The following SACM1L variants were observed in gnomAD, a reference collection of about 807,000 sequenced individuals.
The protein encoded by SACM1L is SAC1 like phosphatidylinositide phosphatase.
SACM1L carries 32 observed loss-of-function variants against 89.5 expected under a neutral mutation model. The observed-to-expected ratio is 0.36, with a 90% CI of 0.27 to 0.48. The LOEUF (loss-of-function observed/expected upper bound fraction) is 0.48, where lower values mean the gene tolerates loss of function less well. Ranked by LOEUF, SACM1L falls within the 20% of genes least tolerant of loss-of-function variation. The pLI is 0.99. For missense variants in SACM1L, 543 were observed against 708.5 expected (o/e 0.77, Z 2.65); for synonymous variants, 213 against 232.8 (o/e 0.92, Z 0.77).
At chr3:45,703,324 T>C in intron 1 of SACM1L, 114 bp from the exon 2 acceptor site, 1 of 679,142 alleles carries the variant, frequency 1.5e-6, no homozygotes, top group Non-Finnish European at 2.6e-6. Flanking sequence ...ATTCATCCTT[T>C]TAGAAGCTGG....
At chr3:45,739,774 T>A (rs1699277116) in intron 19 of SACM1L, 130 bp downstream of exon 19, 1 of 839,530 alleles carries the variant, frequency 1.2e-6, no homozygotes, top group African/African-American at 1.7e-5. Context: ...GGATGTGACA[T>A]TAGATTGTCA....
chr3:45,742,587 G>A (rs1232751523), intron 19 of SACM1L: 2 of 152,224 alleles, frequency 1.3e-5, no homozygotes, highest in East Asian at 1.9e-4. Flanking sequence ...TTTGCCCACC[G>A]GCTTGCTGCT....
intron 4 of SACM1L, among the ~76,000 whole-genome samples, chr3:45,708,052 A>G (rs1698438185): frequency 6.7e-6 from 1 of 149,914 alleles, no homozygotes; most frequent in African/African-American, 2.5e-5. Context: ...GTTAATATCT[A>G]TAACTAATAT....
intron 6 of SACM1L, chr3:45,713,549 C>T (rs1406811569): frequency 1.1e-5 from 2 of 181,022 alleles, no homozygotes; most frequent in Non-Finnish European, 2.3e-5. Flanking sequence ...GATGAGACTC[C>T]CTTCAGTCAC....
intron 14 of SACM1L, among the ~76,000 whole-genome samples, chr3:45,736,694 T>G (rs1218476841): frequency 6.6e-6 from 1 of 152,224 alleles, no homozygotes; most frequent in African/African-American, 2.4e-5. Flanking sequence ...TAACCAAAAC[T>G]TACTTGACTA....
intron 13 of SACM1L, among the ~76,000 whole-genome samples, chr3:45,732,843 C>T (rs546241430): frequency 2.0e-5 from 3 of 152,244 alleles, no homozygotes; most frequent in South Asian, 4.1e-4. Flanking sequence ...TTTCTTCTGC[C>T]TGTGTGTGAT....
chr3:45,710,518 T>A (rs890534965), intron 5 of SACM1L, among the ~76,000 whole-genome samples: 9 of 139,590 alleles, frequency 6.4e-5, no homozygotes, highest in African/African-American at 1.8e-4. Flanking sequence ...TTTTTTTTTT[T>A]AATATACAGT....
chr3:45,725,667 T>G (rs1305176186), intron 11 of SACM1L, among the ~76,000 whole-genome samples: 5 of 152,062 alleles, frequency 3.3e-5, no homozygotes, highest in Non-Finnish European at 5.9e-5. Context: ...TTATGCTTCC[T>G]TTCCAATTTG....
At position 45,703,448 on chromosome 3, in the gene SACM1L, C is replaced by T. The variant is rs764457057; in HGVS notation, c.43C>T (p.Pro15Ser). 2 of 1,611,338 alleles carry T rather than the reference C, an allele frequency of 1.2e-6. No homozygotes were observed. The highest frequency in any genetic ancestry group is 2.2e-5 in the East Asian group (1 of 44,802). The change falls in exon 2 of 20, where the codon CCT (proline) becomes TCT (serine). Residue 15 changes from proline to serine, a missense_variant. Pro to Ser is a moderately conservative substitution (Grantham distance 74). Coordinates refer to ENST00000389061, the MANE Select transcript of SACM1L (RefSeq NM_014016.5). ...AYEQLKLHIT[P>S]EKFYVEACDD... ...TACATTTCTTCTTAGGCATATCACA[C>T]CTGAAAAATTTTATGTGGAAGCTTG...
At chr3:45,693,109 GGCAGTT>G (rs1348634180) in intron 1 of SACM1L, among the ~76,000 whole-genome samples, 1 of 152,148 alleles carries the variant, frequency 6.6e-6, no homozygotes. Flanking sequence ...GAATACTGTA[GGCAGTT>G]GCAACACAAT....
chr3:45,737,841 C>T lies in SACM1L; in HGVS notation c.1379C>T (p.Thr460Ile). The T allele has an allele frequency of 6.2e-7, 1 of 1,613,028 alleles. No individual in the cohort carries two copies. Among genetic ancestry groups the T allele is most frequent in the Non-Finnish European group, 8.5e-7 (1 of 1,179,076 alleles). The change falls in exon 16 of 20, where the codon ACC (threonine) becomes ATC (isoleucine). Residue 460 changes from threonine to isoleucine, a missense_variant. This residue lies in a region of SACM1L where 370 missense variants were observed against 527.6 expected (regional missense o/e 0.70). Transcript: ENST00000389061. ...AGTGALKTDF[T>I]RTGKRTHLGL... ...ACTGGTGCCTTGAAGACTGACTTTA[C>T]CAGGCAAGCCATGCTTTTAAAATAG...
chr3:45,702,140 T>G (rs1412584671), intron 1 of SACM1L, among the ~76,000 whole-genome samples: 2 of 152,232 alleles, frequency 1.3e-5, no homozygotes, highest in African/African-American at 4.8e-5. Flanking sequence ...TAATATTTAG[T>G]TAGTTACAGA....
chr3:45,725,679 A>G (rs1328674256), intron 11 of SACM1L, among the ~76,000 whole-genome samples: 24 of 149,066 alleles, frequency 1.6e-4, no homozygotes, highest in African/African-American at 5.9e-4. Context: ...TCCAATTTGG[A>G]TGCCCTTTTT....
chr3:45,709,098 T>C (rs1698463667), intron 4 of SACM1L, among the ~76,000 whole-genome samples: 1 of 152,238 alleles, frequency 6.6e-6, no homozygotes, highest in African/African-American at 2.4e-5. Context: ...TTATGTGTTT[T>C]ATTTGTCGAA....
chr3:45,730,977 A>C (rs1023423194), intron 11 of SACM1L, among the ~76,000 whole-genome samples: 1 of 152,192 alleles, frequency 6.6e-6, no homozygotes, highest in Admixed American at 6.5e-5. Context: ...TGATGAGGGG[A>C]ACTGAGAACC....
Position 45,713,902 on chromosome 3 carries a change from T to C in SACM1L, c.544-144T>C, listed in dbSNP as rs1698580424. 7.9e-6 allele frequency: 3 copies of C among 381,510 alleles called. No individual in the cohort carries two copies. In the East Asian group the frequency reaches 1.3e-4, roughly 16 times the overall value. 23.6% of individuals were successfully genotyped at this position (381,510 alleles called of 1,614,324 possible). A position where few individuals can be genotyped will look rare whatever the true frequency, so the allele number is the denominator to read the frequency against. ...TTGTAATGCATACTTAATGTTACATTAGAGAAATCTTTTAAAAATTATATT... is the reference window on the plus strand; with the variant it reads ...TTGTAATGCATACTTAATGTTACATCAGAGAAATCTTTTAAAAATTATATT... On this transcript the variant is annotated intron_variant, in intron 6 of 19. Coordinates refer to ENST00000389061, the MANE Select transcript of SACM1L (RefSeq NM_014016.5).
intron 7 of SACM1L, among the ~76,000 whole-genome samples, chr3:45,717,793 G>C (rs987520904): frequency 6.6e-6 from 1 of 152,250 alleles, no homozygotes; most frequent in Admixed American, 6.5e-5. Flanking sequence ...GCATGTGCCT[G>C]TAGTCCCAGC....
intron 11 of SACM1L, among the ~76,000 whole-genome samples, chr3:45,726,874 T>TG (rs1559548033): frequency 1.5e-3 from 26 of 17,726 alleles, no homozygotes; most frequent in Admixed American, 2.6e-3. Flanking sequence ...TATTTCTTTT[T>TG]TTTTTTTTTT....
At chr3:45,722,572 T>TTA (rs1404923546) in intron 9 of SACM1L, among the ~76,000 whole-genome samples, 1 of 152,220 alleles carries the variant, frequency 6.6e-6, no homozygotes, top group African/African-American at 2.4e-5. Context: ...TAATGCCAAA[T>TTA]TATATAACAG....
Sources: allele counts gnomAD v4.1 joint callset (sites outside exome capture counted in the v4.1 genomes callset), GRCh38; gene constraint gnomAD v4.1.1; regional missense constraint gnomAD v4.1.1; transcripts MANE v1.5; gene names NCBI Gene and HGNC (gene_info 2026-07-23, HGNC 2026-07-21).